ABCB4: variants seen among roughly 807,000 people sequenced by gnomAD.
The protein encoded by ABCB4 is ATP binding cassette subfamily B member 4.
ABCB4 carries 76 observed loss-of-function variants against 145.7 expected under a neutral mutation model. The ratio of observed to expected loss-of-function variants is 0.52; its 90% CI spans 0.43 to 0.63. The LOEUF (loss-of-function observed/expected upper bound fraction) is 0.63, where lower values mean the gene tolerates loss of function less well. ABCB4 is among the 30% of genes least tolerant of loss of function. The pLI is 0.00. For synonymous variants in ABCB4, 517 were observed against 566.8 expected (o/e 0.91, Z 1.25); for missense variants, 1,234 against 1,553.1 (o/e 0.79, Z 3.45).
intron 3 of ABCB4, among the ~76,000 whole-genome samples, chr7:87,468,493 CA>C: frequency 6.6e-6 from 1 of 152,212 alleles, no homozygotes; most frequent in Non-Finnish European, 1.5e-5. Flanking sequence ...GAAACTATTC[CA>C]ATCAATAGAA....
In ABCB4 at chr7:87,408,024, G is replaced by A; in HGVS notation, c.3279+13C>T. On this transcript the variant is annotated intron_variant, in intron 25 of 27. Coordinates refer to ENST00000649586, the MANE Select transcript of ABCB4 (RefSeq NM_000443.4). Reference sequence around the variant, plus strand: ...ATATAGCCTTCAATCAAGTTATAAGGAAATGTGCTCACCACTGTCCCCGCC... The same window carrying A: ...ATATAGCCTTCAATCAAGTTATAAGAAAATGTGCTCACCACTGTCCCCGCC... 1.2e-6 allele frequency: 2 copies of A among 1,612,894 alleles called. No homozygotes were observed. The highest frequency in any genetic ancestry group is 1.7e-6 in the Non-Finnish European group (2 of 1,179,974).
At chr7:87,376,780 C>T in the ABCB4 span, among the ~76,000 whole-genome samples, 4 of 151,916 alleles carry the variant, frequency 2.6e-5, no homozygotes, top group African/African-American at 9.7e-5. Flanking sequence ...TATATGCATG[C>T]AAACACATAT....
In ABCB4 at chr7:87,444,914, G is replaced by T. The variant is rs1346948241; in HGVS notation, c.1067C>A (p.Ala356Asp). ...TGCTGCTCCTCTTGCATTGGCAAAAGCATCAATACATGGGGCAGCCTGGCC... is the reference window on the plus strand; with the variant it reads ...TGCTGCTCCTCTTGCATTGGCAAAATCATCAATACATGGGGCAGCCTGGCC... ...SVGQAAPCID[A>D]FANARGAAYV... The change falls in exon 10 of 28, where the codon GCT (alanine) becomes GAT (aspartate). Residue 356 changes from alanine (A) to aspartate (D), a missense_variant. Coordinates refer to ENST00000649586, the MANE Select transcript of ABCB4 (RefSeq NM_000443.4). 6.2e-7 allele frequency: 1 copy of T among 1,608,704 alleles called. No individual in the cohort carries two copies. Among genetic ancestry groups the T allele is most frequent in the Admixed American group, 1.7e-5 (1 of 59,906 alleles).
At chr7:87,430,083 C>T (rs886885542) in intron 15 of ABCB4, among the ~76,000 whole-genome samples, 4 of 152,064 alleles carry the variant, frequency 2.6e-5, no homozygotes, top group South Asian at 2.1e-4. Flanking sequence ...AATGTAGAAA[C>T]GAAGGCTCAG....
At chr7:87,373,613 C>T in the ABCB4 span, among the ~76,000 whole-genome samples, 2 of 151,786 alleles carry the variant, frequency 1.3e-5, no homozygotes, top group South Asian at 2.1e-4. Context: ...TGGCAGGAAT[C>T]GAAGTAGAGA....
At chr7:87,384,398 G>A in the ABCB4 span, among the ~76,000 whole-genome samples, 1 of 152,058 alleles carries the variant, frequency 6.6e-6, no homozygotes, top group Non-Finnish European at 1.5e-5. Flanking sequence ...CTGATGTAGG[G>A]GCACATATCT....
intron 7 of ABCB4, among the ~76,000 whole-genome samples, chr7:87,451,214 C>T (rs764535470): frequency 1.3e-5 from 2 of 150,730 alleles, no homozygotes; most frequent in South Asian, 2.1e-4. Flanking sequence ...GGGCTCACTG[C>T]GACCTCCACC....
chr7:87,421,326 C>A (rs1584703438), intron 18 of ABCB4, among the ~76,000 whole-genome samples: 1 of 152,150 alleles, frequency 6.6e-6, no homozygotes, highest in African/African-American at 2.4e-5. Flanking sequence ...CTGCCCTCCC[C>A]CTCCATTTGC....
intron 14 of ABCB4, among the ~76,000 whole-genome samples, chr7:87,434,491 T>G (rs1400859358): frequency 6.6e-6 from 1 of 152,104 alleles, no homozygotes; most frequent in Admixed American, 6.6e-5. Flanking sequence ...GGCTCACACC[T>G]GTAATCCCAG....
intron 1 of ABCB4, 76 bp from the exon 2 acceptor site, chr7:87,475,547 G>A: frequency 6.8e-7 from 1 of 1,463,182 alleles, no homozygotes; most frequent in Non-Finnish European, 9.5e-7. Context: ...GGGCCCGGGG[G>A]CACTGGGTGG....
intron 18 of ABCB4, among the ~76,000 whole-genome samples, chr7:87,421,511 C>G (rs966864787): frequency 3.9e-5 from 6 of 152,188 alleles, no homozygotes; most frequent in Non-Finnish European, 8.8e-5. Flanking sequence ...GCCATTGGTT[C>G]AACAATAATA....
intron 2 of ABCB4, among the ~76,000 whole-genome samples, chr7:87,473,188 T>C (rs1172461139): frequency 2.6e-5 from 4 of 152,212 alleles, no homozygotes; most frequent in Non-Finnish European, 5.9e-5. Context: ...CAACTAGCAG[T>C]CAGAGTAATT....
intron 3 of ABCB4, among the ~76,000 whole-genome samples, chr7:87,465,290 T>C (rs895506489): frequency 6.6e-6 from 1 of 152,218 alleles, no homozygotes; most frequent in East Asian, 1.9e-4. Context: ...AGCACAGCAG[T>C]CTGAAATCAA....
At chr7:87,402,439 T>C in intron 27 of ABCB4, 137 bp from the exon 28 acceptor site, 1 of 1,052,082 alleles carries the variant, frequency 9.5e-7, no homozygotes, top group Non-Finnish European at 1.4e-6. Context: ...TTTATGCATG[T>C]GTATTTTGTA....
At chr7:87,465,027 T>G (rs1466987379) in intron 3 of ABCB4, among the ~76,000 whole-genome samples, 1 of 152,234 alleles carries the variant, frequency 6.6e-6, no homozygotes, top group East Asian at 1.9e-4. Context: ...GGACAGTGGG[T>G]GCAGGACAGT....
chr7:87,453,180 T>TTTTTA lies in ABCB4; in HGVS notation c.345-46_345-45insTAAAA, dbSNP rs770396749. The TTTTTA allele has an allele frequency of 3.8e-6, 6 of 1,578,328 alleles. No homozygotes were observed. In the African/African-American group the frequency reaches 8.1e-5, roughly 21 times the overall value. On this transcript the variant is annotated intron_variant, in intron 5 of 27. Coordinates refer to ENST00000649586, the MANE Select transcript of ABCB4 (RefSeq NM_000443.4). Reference sequence around the variant, plus strand: ...CTCTATTAAATACCTTCTCTTTTCTTTTTTCTTTTCTTTTCTTTTCTGAAA... The same window carrying TTTTTA: ...CTCTATTAAATACCTTCTCTTTTCTTTTTTATTTTCTTTTCTTTTCTTTTCTGAAA...
chr7:87,416,356 C>G (rs1431389937), intron 21 of ABCB4, among the ~76,000 whole-genome samples: 1 of 152,248 alleles, frequency 6.6e-6, no homozygotes, highest in Non-Finnish European at 1.5e-5. Context: ...TATAGAGATA[C>G]TGTCTGTTCC....
At chr7:87,379,118 T>C in the ABCB4 span, among the ~76,000 whole-genome samples, 3 of 152,220 alleles carry the variant, frequency 2.0e-5, no homozygotes, top group Admixed American at 1.3e-4. Flanking sequence ...CTACCCTTTG[T>C]AAGGTGGTTA....
intron 14 of ABCB4, among the ~76,000 whole-genome samples, chr7:87,437,960 C>T (rs1470171128): frequency 1.3e-5 from 2 of 152,224 alleles, no homozygotes; most frequent in Non-Finnish European, 2.9e-5. Context: ...AATGAATTGA[C>T]TTGTCCAAAT....
Sources: gnomAD v4.1 joint callset for allele counts (sites outside exome capture counted in the v4.1 genomes callset) on GRCh38, gnomAD v4.1.1 for gene constraint, MANE v1.5 for transcripts, NCBI Gene and HGNC (gene_info 2026-07-23, HGNC 2026-07-21) for gene names.